Variants in PREX1 observed in about 807,000 individuals in gnomAD.
The protein encoded by PREX1 is phosphatidylinositol-3,4,5-trisphosphate dependent Rac exchange factor 1.
A neutral mutation model predicts 198.3 loss-of-function variants in PREX1; 41 were observed. That is an observed-to-expected ratio of 0.21 (90% confidence interval 0.16 to 0.27). PREX1 has a LOEUF of 0.27. PREX1 is among the 10% of genes least tolerant of loss of function. The pLI, the probability that PREX1 is intolerant of heterozygous loss-of-function variation, is 1.00. For missense variants in PREX1, 1,620 were observed against 2,200.7 expected (o/e 0.74, Z 5.28); for synonymous variants, 843 against 887.2 (o/e 0.95, Z 0.89).
At chr20:48,627,498 G>A (rs775186821) in intron 39 of PREX1, 50 bp downstream of exon 39, 12 of 1,597,906 alleles carry the variant, frequency 7.5e-6, no homozygotes, top group Middle Eastern at 1.7e-4. Flanking sequence ...GCCAGGCCTG[G>A]GTCGCCAGCT....
chr20:48,739,860 T>C (rs2090073355), intron 3 of PREX1, among the ~76,000 whole-genome samples: 1 of 152,254 alleles, frequency 6.6e-6, no homozygotes, highest in Non-Finnish European at 1.5e-5. Context: ...TTTCCTCATC[T>C]GTAAAATGGG....
At chr20:48,789,828 G>A (rs956912505) in intron 1 of PREX1, among the ~76,000 whole-genome samples, 12 of 152,022 alleles carry the variant, frequency 7.9e-5, no homozygotes, top group Admixed American at 2.6e-4. Flanking sequence ...ATGAACAGAC[G>A]GACGGATGAC....
rs1426900475 is a variant in PREX1, at chr20:48,627,433, G to A, written c.4937+115C>T. ...CTCCTCAAAGAGGTTCCCCATAAAT[G>A]AGAGGGGAAGCCCCATCTGAGCATT... On this transcript the variant is annotated intron_variant, in intron 39 of 39. Transcript: ENST00000371941. The A allele has an allele frequency of 4.2e-6, 5 of 1,178,504 alleles. No individual in the cohort carries two copies. In the Admixed American group the frequency reaches 5.5e-5, roughly 13 times the overall value. The allele number at this position is 1,178,504 out of a possible 1,614,324, so 73.0% of individuals were successfully genotyped here. A position where few individuals can be genotyped will look rare whatever the true frequency, so the allele number is the denominator to read the frequency against.
intron 19 of PREX1, among the ~76,000 whole-genome samples, chr20:48,654,303 G>T (rs981702539): frequency 6.6e-6 from 1 of 152,236 alleles, no homozygotes; most frequent in Non-Finnish European, 1.5e-5. Flanking sequence ...ATAGCAGCTG[G>T]TTTATTCTTT....
At chr20:48,634,102 G>GGA (rs1568791760) in intron 33 of PREX1, among the ~76,000 whole-genome samples, 3 of 125,826 alleles carry the variant, frequency 2.4e-5, no homozygotes, top group South Asian at 2.7e-4. Flanking sequence ...ATGGATGGAT[G>GGA]CATGGATGCC....
At chr20:48,653,337 G>A (rs765135957) in intron 20 of PREX1, 24 bp downstream of exon 20, 71 of 1,605,516 alleles carry the variant, frequency 4.4e-5, no homozygotes, top group African/African-American at 1.3e-4. Flanking sequence ...CTTCTTTGAC[G>A]GCCCCGGTTT....
intron 1 of PREX1, among the ~76,000 whole-genome samples, chr20:48,753,289 C>A (rs2090142161): frequency 6.6e-6 from 1 of 152,208 alleles, no homozygotes; most frequent in African/African-American, 2.4e-5. Flanking sequence ...TGAGGTCAAA[C>A]AGCAAACTGG....
intron 33 of PREX1, among the ~76,000 whole-genome samples, chr20:48,633,864 A>G (rs1342212024): frequency 6.6e-6 from 1 of 152,196 alleles, no homozygotes; most frequent in Admixed American, 6.5e-5. Context: ...GGTCTAGACT[A>G]TGAGCTCCAG....
At chr20:48,630,976 G>A (rs1240925826) in intron 35 of PREX1, among the ~76,000 whole-genome samples, 182 bp from the exon 36 acceptor site, 1 of 152,066 alleles carries the variant, frequency 6.6e-6, no homozygotes, top group Non-Finnish European at 1.5e-5. Context: ...ACAGCCGGGG[G>A]GGAAAGAGGG....
chr20:48,629,425 C>T, intron 37 of PREX1, 24 bp downstream of exon 37: 1 of 1,607,712 alleles, frequency 6.2e-7, no homozygotes, highest in Non-Finnish European at 8.5e-7. Context: ...TCCCCACACC[C>T]CGACTCAGCG....
intron 24 of PREX1, 62 bp downstream of exon 24, chr20:48,649,934 T>C: frequency 6.4e-7 from 1 of 1,569,628 alleles, no homozygotes; most frequent in South Asian, 1.1e-5. Flanking sequence ...TCAGACAAGT[T>C]TTGGTTTAAG....
intron 14 of PREX1, among the ~76,000 whole-genome samples, chr20:48,668,182 T>C (rs2089652057): frequency 6.6e-6 from 1 of 151,560 alleles, no homozygotes; most frequent in African/African-American, 2.4e-5. Flanking sequence ...CATGTGCAGG[T>C]GGGAGGGACT....
At position 48,646,011 on chromosome 20, in the gene PREX1, C is replaced by A. The variant is rs6012504; in HGVS notation, c.3352G>T (p.Ala1118Ser). Reference protein sequence around the residue: ...TEPTSGGSCDASLAEEASSLP... With the variant: ...TEPTSGGSCDSSLAEEASSLP... Reference sequence around the variant, plus strand: ...GAGGAGGCCTCCTCAGCCAAGGATGCGTCGCAGGACCCACCCGAGGTGGGC... The same window carrying A: ...GAGGAGGCCTCCTCAGCCAAGGATGAGTCGCAGGACCCACCCGAGGTGGGC... The change falls in exon 26 of 40, where the codon GCA becomes TCA. Residue 1118 changes from alanine (A) to serine (S), a missense_variant. Physicochemically the swap from Ala to Ser is moderately conservative, Grantham distance 99. This residue lies in a region of PREX1 where 514 missense variants were observed against 611.6 expected (regional missense o/e 0.84). Transcript: ENST00000371941. 1 of 1,613,980 alleles carries A rather than the reference C, an allele frequency of 6.2e-7. No individual in the cohort carries two copies. Among genetic ancestry groups the A allele is most frequent in the Non-Finnish European group, 8.5e-7 (1 of 1,179,990 alleles).
chr20:48,671,835 C>T (rs1046309113), intron 14 of PREX1, among the ~76,000 whole-genome samples: 3 of 152,222 alleles, frequency 2.0e-5, no homozygotes, highest in Admixed American at 6.5e-5. Context: ...CATCCTCCTG[C>T]GTCAGCTCCA....
chr20:48,834,913 C>A, the PREX1 span, among the ~76,000 whole-genome samples: 1 of 152,132 alleles, frequency 6.6e-6, no homozygotes, highest in Non-Finnish European at 1.5e-5. Context: ...CCTGCCACCA[C>A]GCCCAGGTAA....
chr20:48,730,631 T>A (rs2090030995), intron 4 of PREX1, among the ~76,000 whole-genome samples: 1 of 152,126 alleles, frequency 6.6e-6, no homozygotes, highest in Non-Finnish European at 1.5e-5. Flanking sequence ...TAGACATATG[T>A]AAGCATTTGT....
At chr20:48,653,844 C>G (rs969351637) in intron 19 of PREX1, among the ~76,000 whole-genome samples, 11 of 152,210 alleles carry the variant, frequency 7.2e-5, no homozygotes, top group African/African-American at 2.7e-4. Context: ...GTGATGGGCT[C>G]AGAGAGGCAA....
At chr20:48,686,644 C>G (rs928625638) in intron 10 of PREX1, among the ~76,000 whole-genome samples, 1 of 152,188 alleles carries the variant, frequency 6.6e-6, no homozygotes, top group African/African-American at 2.4e-5. Context: ...AAAGGCCAGC[C>G]AGGCTGCCCC....
chr20:48,698,912 A>G (rs1361009987), intron 7 of PREX1, among the ~76,000 whole-genome samples: 1 of 152,216 alleles, frequency 6.6e-6, no homozygotes, highest in African/African-American at 2.4e-5. Context: ...CGGATGAGGA[A>G]ACTGAGGCAC....
Sources: allele counts gnomAD v4.1 joint callset (sites outside exome capture counted in the v4.1 genomes callset), GRCh38; gene constraint gnomAD v4.1.1; regional missense constraint gnomAD v4.1.1; transcripts MANE v1.5; gene names NCBI Gene and HGNC (gene_info 2026-07-23, HGNC 2026-07-21).